Variants in TTC7A observed in about 807,000 individuals in gnomAD.
TTC7A encodes the protein tetratricopeptide repeat domain 7A, also known as tetratricopeptide repeat protein 7A.
TTC7A carries 110 observed loss-of-function variants against 103.7 expected under a neutral mutation model. That is an observed-to-expected ratio of 1.06 (90% CI 0.91 to 1.24). The LOEUF is 1.24. Among genes scored for constraint, TTC7A ranks in the 50% most tolerant of loss-of-function variants. The pLI, the probability that TTC7A is intolerant of heterozygous loss-of-function variation, is 0.00. For synonymous variants in TTC7A, 521 were observed against 467.9 expected, an observed-to-expected ratio of 1.11 and a Z score of -1.47; for missense variants, 1,340 against 1,116.3, an observed-to-expected ratio of 1.20 and a Z score of -2.86.
chr2:47,031,443 G>A (rs1680532429), intron 15 of TTC7A, among the ~76,000 whole-genome samples: 1 of 152,146 alleles, frequency 6.6e-6, no homozygotes, highest in Non-Finnish European at 1.5e-5. Context: ...GTGCCTGTGT[G>A]TGTTTACACT....
At chr2:47,073,601 C>G in intron 19 of TTC7A, 101 bp from the exon 20 acceptor site, 2 of 982,590 alleles carry the variant, frequency 2.0e-6, no homozygotes, top group East Asian at 2.4e-5. Context: ...TCCTCTCGAG[C>G]TGATGGCTGC....
At chr2:47,047,421 G>A (rs1315529135) in intron 16 of TTC7A, 2 of 856,464 alleles carry the variant, frequency 2.3e-6, no homozygotes, top group African/African-American at 3.4e-5. Flanking sequence ...AGGACCAGTG[G>A]GCGGAAGCTG....
At chr2:46,981,158 G>A (rs948497942) in intron 5 of TTC7A, among the ~76,000 whole-genome samples, 2 of 151,984 alleles carry the variant, frequency 1.3e-5, no homozygotes, top group African/African-American at 2.4e-5. Context: ...GATCCCCCCC[G>A]CCACTTTAAA....
chr2:46,981,334 C>T (rs997528687), intron 5 of TTC7A, among the ~76,000 whole-genome samples: 17 of 152,038 alleles, frequency 1.1e-4, no homozygotes, highest in Admixed American at 3.9e-4. Flanking sequence ...TTCCTTCCTG[C>T]TTATCTCCCT....
chr2:46,926,408 T>C (rs769607797), intron 2 of TTC7A, among the ~76,000 whole-genome samples: 3 of 152,178 alleles, frequency 2.0e-5, no homozygotes, highest in Non-Finnish European at 4.4e-5. Context: ...TAAATGCTTG[T>C]TAGAGCCCAG....
chr2:47,051,611 T>A, intron 17 of TTC7A, 135 bp from the exon 18 acceptor site: 1 of 1,165,534 alleles, frequency 8.6e-7, no homozygotes. Flanking sequence ...AGCTGCTTTC[T>A]GGCTGCCCAG....
intron 12 of TTC7A, 44 bp downstream of exon 12, chr2:47,022,023 G>C: frequency 6.8e-7 from 1 of 1,474,586 alleles, no homozygotes; most frequent in Non-Finnish European, 9.4e-7. Flanking sequence ...GGATGGCTCA[G>C]GCTTCCTAAC....
chr2:47,024,303 C>T lies in TTC7A; in HGVS notation c.1585C>T (p.Pro529Ser). Residue 529 changes from proline (P) to serine (S), a missense_variant, in exon 14 of 20, where the codon CCC becomes TCC. Coordinates refer to ENST00000319190, the MANE Select transcript of TTC7A (RefSeq NM_020458.4). ...QTLERAQQLA[P>S]SDPQVILYVS... ...CCCACACAGGGCTCAGCAGCTGGCGCCCAGTGACCCCCAGGTCATCCTCTA... is the reference window on the plus strand; with the variant it reads ...CCCACACAGGGCTCAGCAGCTGGCGTCCAGTGACCCCCAGGTCATCCTCTA... 1 of 1,607,512 alleles carries T rather than the reference C, an allele frequency of 6.2e-7. No individual in the cohort carries two copies. Among genetic ancestry groups the T allele is most frequent in the South Asian group, 1.1e-5 (1 of 90,244 alleles).
chr2:47,029,859 C>T (rs1460180115), intron 15 of TTC7A, among the ~76,000 whole-genome samples: 1 of 152,234 alleles, frequency 6.6e-6, no homozygotes, highest in Non-Finnish European at 1.5e-5. Flanking sequence ...CCACCTCCCT[C>T]ATTTACTGCA....
intron 1 of TTC7A, chr2:46,917,049 A>C (rs922146598): frequency 1.6e-6 from 1 of 622,874 alleles, no homozygotes; most frequent in African/African-American, 1.9e-5. Flanking sequence ...AAGTAGTTAG[A>C]TGCCTTGAAA....
chr2:47,010,624 C>T (rs1193995733), intron 10 of TTC7A, among the ~76,000 whole-genome samples: 4 of 152,246 alleles, frequency 2.6e-5, no homozygotes, highest in African/African-American at 9.6e-5. Context: ...AGAATATCTC[C>T]CCTTCCTCTC....
chr2:47,060,463 C>G (rs1558640748), intron 18 of TTC7A, among the ~76,000 whole-genome samples: 1 of 152,006 alleles, frequency 6.6e-6, no homozygotes, highest in Non-Finnish European at 1.5e-5. Flanking sequence ...GATACCCTGT[C>G]TCAAAAAAAA....
intron 10 of TTC7A, 76 bp downstream of exon 10, chr2:47,006,800 T>C: frequency 8.1e-7 from 1 of 1,228,276 alleles, no homozygotes; most frequent in Non-Finnish European, 1.2e-6. Flanking sequence ...GGGGCTTTTC[T>C]GGCCAGGGGA....
intron 19 of TTC7A, among the ~76,000 whole-genome samples, chr2:47,066,621 G>A (rs914028868): frequency 6.6e-6 from 1 of 152,206 alleles, no homozygotes; most frequent in African/African-American, 2.4e-5. Flanking sequence ...GCAGCCCTGC[G>A]TTATGGGGGC....
intron 3 of TTC7A, 132 bp downstream of exon 3, chr2:46,957,139 A>G (rs994068748): frequency 4.2e-6 from 5 of 1,195,094 alleles, no homozygotes; most frequent in Admixed American, 4.5e-5. Flanking sequence ...ACTGGTGTCT[A>G]AGGTGGATGC....
intron 5 of TTC7A, 34 bp from the exon 6 acceptor site, chr2:46,993,416 G>A (rs1675825312): frequency 6.2e-7 from 1 of 1,607,790 alleles, no homozygotes. Context: ...GAGCTAGGCT[G>A]GTAACAAATC....
rs373034724 is a variant in TTC7A at position 47,048,412 on chromosome 2, G to A, written c.1920-1537G>A. On this transcript the variant is annotated intron_variant, in intron 16 of 19. Transcript: ENST00000319190. The stretch of plus-strand genomic sequence containing the variant: ...CTGCACCCAGCCCTGCTCCATGCCA[G>A]CCCTGCACCAGGATCTGCCCATGTT... Among the ~76,000 whole-genome samples, 10 of 152,308 alleles carry A rather than the reference G, an allele frequency of 6.6e-5. No homozygotes were observed. The East Asian group carries it at 1.9e-3, about 29-fold the overall frequency.
chr2:47,052,278 TC>T (rs1246267699), intron 18 of TTC7A, among the ~76,000 whole-genome samples: 1 of 152,184 alleles, frequency 6.6e-6, no homozygotes, highest in Non-Finnish European at 1.5e-5. Context: ...AGGTTGCCAT[TC>T]AGGTGACAGT....
chr2:46,981,142 T>A lies in TTC7A; in HGVS notation c.764+2235T>A, dbSNP rs573935851. 1.4e-4 allele frequency among the ~76,000 whole-genome samples: 22 copies of A among 152,192 alleles called. No individual in the cohort carries two copies. The South Asian group carries it at 4.6e-3, about 32-fold the overall frequency. The stretch of plus-strand genomic sequence containing the variant: ...CCTCTCTGGCCCTTGACAGAAAAAA[T>A]TTGCTGATCCCCCCCGCCACTTTAA... On this transcript the variant is annotated intron_variant, in intron 5 of 19. Transcript: ENST00000319190.
Sources: allele counts gnomAD v4.1 joint callset (sites outside exome capture counted in the v4.1 genomes callset), GRCh38; gene constraint gnomAD v4.1.1; transcripts MANE v1.5; gene names NCBI Gene and HGNC (gene_info 2026-07-23, HGNC 2026-07-21).